Variants in RABL3 observed in about 807,000 individuals in gnomAD.
RABL3 encodes the protein rab-like protein 3.
Under a neutral mutation model 31.8 loss-of-function variants are expected in RABL3, and 31 were observed. The observed-to-expected ratio is 0.97, with a 90% CI of 0.73 to 1.31. The LOEUF (loss-of-function observed/expected upper bound fraction) is 1.31. Among genes scored for constraint, RABL3 ranks in the 40% most tolerant of loss-of-function variants. The pLI is 0.00. For synonymous variants in RABL3, 97 were observed against 99.9 expected (o/e 0.97, Z 0.18); for missense variants, 263 against 279.6 (o/e 0.94, Z 0.42).
At chr3:120,711,606 C>T (rs1178971171) in intron 2 of RABL3, among the ~76,000 whole-genome samples, 1 of 152,124 alleles carries the variant, frequency 6.6e-6, no homozygotes, top group Non-Finnish European at 1.5e-5. Flanking sequence ...TCTCCAAAGA[C>T]TCTCTTTTTC....
At chr3:120,707,012 C>T (rs1708556932) in intron 3 of RABL3, among the ~76,000 whole-genome samples, 1 of 152,062 alleles carries the variant, frequency 6.6e-6, no homozygotes, top group African/African-American at 2.4e-5. Context: ...AGGATATCAC[C>T]TTATGGTCAA....
Position 120,735,130 on chromosome 3 carries a change from T to C in RABL3, c.47-4343A>G, listed in dbSNP as rs201549959. 3.3e-5 allele frequency among the ~76,000 whole-genome samples: 5 copies of C among 152,356 alleles called. No individual in the cohort carries two copies. In the East Asian group the frequency reaches 9.6e-4, roughly 29 times the overall value. ...TTTCAGAAGGAATGGTACCAGCTCC[T>C]CCTTGTACCTCTGGTAGAATTCAGC... On this transcript the variant is annotated intron_variant, in intron 1 of 7. Coordinates refer to ENST00000273375, the MANE Select transcript of RABL3 (RefSeq NM_173825.5).
intron 6 of RABL3, among the ~76,000 whole-genome samples, chr3:120,691,627 T>C (rs1283873857): frequency 1.3e-5 from 2 of 152,210 alleles, no homozygotes; most frequent in East Asian, 3.8e-4. Context: ...TGACTAACAA[T>C]GTTTCCAATT....
intron 2 of RABL3, among the ~76,000 whole-genome samples, chr3:120,726,839 C>T (rs1007589797): frequency 1.3e-5 from 2 of 151,820 alleles, no homozygotes; most frequent in African/African-American, 4.8e-5. Context: ...TGAAAGCATA[C>T]AGTGTATGTT....
At chr3:120,694,254 G>C in intron 5 of RABL3, 30 bp from the exon 6 acceptor site, 1 of 1,501,026 alleles carries the variant, frequency 6.7e-7, no homozygotes, top group Non-Finnish European at 9.2e-7. Flanking sequence ...ATCCACAATT[G>C]AAAGTTAGGA....
At chr3:120,729,449 C>A (rs1398285649) in intron 2 of RABL3, among the ~76,000 whole-genome samples, 2 of 152,008 alleles carry the variant, frequency 1.3e-5, no homozygotes, top group Admixed American at 6.6e-5. Context: ...GATACATTTC[C>A]ATGAAGTAGA....
rs1708341918 is a variant in RABL3 at position 120,688,599 on chromosome 3, T to C, written c.*1224A>G. ...AAATGAGAAATGAAAACTGTATATT[T>C]ATTATTGTTATTTAAAAGTATGGAG... On this transcript the variant is annotated 3_prime_UTR_variant, in exon 8 of 8. Coordinates refer to ENST00000273375, the MANE Select transcript of RABL3 (RefSeq NM_173825.5). The C allele has an allele frequency of 6.6e-6, 1 of 152,218 alleles. No individual in the cohort carries two copies. The highest frequency in any genetic ancestry group is 6.5e-5 in the Admixed American group (1 of 15,284). 9.4% of individuals were successfully genotyped at this position (152,218 alleles called of 1,614,324 possible). A position where few individuals can be genotyped will look rare whatever the true frequency, so the allele number is the denominator to read the frequency against.
intron 2 of RABL3, among the ~76,000 whole-genome samples, chr3:120,729,561 AAGC>A (rs1708859043): frequency 6.6e-6 from 1 of 152,206 alleles, no homozygotes; most frequent in Admixed American, 6.5e-5. Flanking sequence ...TTAAAATAAA[AAGC>A]AGACACCATA....
chr3:120,740,673 G>A (rs1054076294), intron 1 of RABL3, among the ~76,000 whole-genome samples: 5 of 152,208 alleles, frequency 3.3e-5, no homozygotes, highest in Non-Finnish European at 7.3e-5. Flanking sequence ...TGTAAAAAGT[G>A]CATTCTAAAC....
intron 2 of RABL3, among the ~76,000 whole-genome samples, chr3:120,711,625 A>G (rs1264297019): frequency 6.6e-6 from 1 of 152,172 alleles, no homozygotes; most frequent in Non-Finnish European, 1.5e-5. Context: ...TCTCATGTCT[A>G]GGCTCTATAG....
intron 2 of RABL3, among the ~76,000 whole-genome samples, chr3:120,723,188 G>A (rs1421314164): frequency 6.6e-6 from 1 of 152,106 alleles, no homozygotes; most frequent in East Asian, 1.9e-4. Flanking sequence ...AAATAAACTA[G>A]AAAATCTAGA....
At chr3:120,732,912 A>G (rs956019043) in intron 1 of RABL3, among the ~76,000 whole-genome samples, 1 of 152,114 alleles carries the variant, frequency 6.6e-6, no homozygotes, top group African/African-American at 2.4e-5. Flanking sequence ...TTATGGCTGC[A>G]TAGTATTCCA....
intron 5 of RABL3, 73 bp downstream of exon 5, chr3:120,698,350 T>C (rs1444067047): frequency 8.1e-6 from 11 of 1,360,718 alleles, no homozygotes; most frequent in African/African-American, 1.5e-5. Flanking sequence ...CACTAGAATA[T>C]ATTATTTGAA....
At chr3:120,717,055 C>G (rs947672152) in intron 2 of RABL3, among the ~76,000 whole-genome samples, 2 of 152,066 alleles carry the variant, frequency 1.3e-5, no homozygotes, top group Non-Finnish European at 2.9e-5. Context: ...GAGTTTGAGA[C>G]CAGCCTGGCC....
chr3:120,719,675 C>CTTGA (rs1459412211), intron 2 of RABL3, among the ~76,000 whole-genome samples: 9 of 152,214 alleles, frequency 5.9e-5, no homozygotes, highest in Admixed American at 1.3e-4. Context: ...ATTGCCAAGG[C>CTTGA]TTGAGTAGGT....
At chr3:120,727,003 GA>G (rs989231378) in intron 2 of RABL3, among the ~76,000 whole-genome samples, 2 of 151,706 alleles carry the variant, frequency 1.3e-5, no homozygotes, top group African/African-American at 4.8e-5. Context: ...GAATAATAAT[GA>G]AAAAAATTTT....
chr3:120,728,922 C>T (rs1235445450), intron 2 of RABL3, among the ~76,000 whole-genome samples: 1 of 152,120 alleles, frequency 6.6e-6, no homozygotes, highest in Non-Finnish European at 1.5e-5. Context: ...TGGGAACTGA[C>T]ATAGATTCAG....
intron 2 of RABL3, among the ~76,000 whole-genome samples, chr3:120,730,355 G>T (rs1302198684): frequency 2.6e-5 from 4 of 152,174 alleles, no homozygotes; most frequent in Non-Finnish European, 5.9e-5. Flanking sequence ...GCTGAAAGTT[G>T]GCAGTCTTAA....
rs748467485 is a variant in RABL3 at position 120,709,797 on chromosome 3, A to G, written c.251T>C (p.Phe84Ser). 6.5e-5 allele frequency: 104 copies of G among 1,611,284 alleles called. No individual in the cohort carries two copies. The highest frequency in any genetic ancestry group is 8.5e-5 in the Non-Finnish European group (100 of 1,178,238). The stretch of plus-strand genomic sequence containing the variant: ...TGTTTTACCATTTACGGAGTTGTAG[A>G]ATACTGCTCTTGTGCTTTTCACGCT... ...ASSVKSTRAV[F>S]YNSVNGIIFV... Residue 84 changes from phenylalanine to serine, a missense_variant, in exon 3 of 8, where the codon TTC becomes TCC. Coordinates refer to ENST00000273375, the MANE Select transcript of RABL3 (RefSeq NM_173825.5).
Sources: gnomAD v4.1 joint callset for allele counts (sites outside exome capture counted in the v4.1 genomes callset) on GRCh38, gnomAD v4.1.1 for gene constraint, MANE v1.5 for transcripts, NCBI Gene and HGNC (gene_info 2026-07-23, HGNC 2026-07-21) for gene names.